Variants in SLC6A16 observed in about 807,000 individuals in gnomAD.
SLC6A16 encodes orphan sodium- and chloride-dependent neurotransmitter transporter NTT5.
SLC6A16 carries 54 observed loss-of-function variants against 65.4 expected under a neutral mutation model. The ratio of observed to expected loss-of-function variants is 0.83; its 90% CI spans 0.66 to 1.04. The LOEUF is 1.04. Among genes scored for constraint, SLC6A16 ranks in the 50% least tolerant of loss-of-function variants. The pLI, the probability that SLC6A16 is intolerant of heterozygous loss-of-function variation, is 0.00. For synonymous variants in SLC6A16, 330 were observed against 346.5 expected (o/e 0.95, Z 0.53); for missense variants, 816 against 914.0 (o/e 0.89, Z 1.38).
At position 49,293,311 on chromosome 19, in the gene SLC6A16, G is replaced by C; in HGVS notation, c.1690C>G (p.Leu564Val). The C allele has an allele frequency of 6.2e-7, 1 of 1,614,138 alleles. No individual in the cohort carries two copies. Residue 564 changes from leucine (L) to valine (V), a missense_variant, in exon 10 of 12, where the codon CTG becomes GTG. By Grantham distance (32) the Leu-to-Val change is conservative (BLOSUM62 1). Coordinates refer to ENST00000335875, the MANE Select transcript of SLC6A16 (RefSeq NM_014037.3). ...AAGACTATCCAGTAGTCACTCAGCA[G>C]TCTGATGAAGTAGCTGCCTGAAGGT... Reference protein sequence around the residue: ...TRPSGSYFIRLLSDYWIVFPI... With the variant: ...TRPSGSYFIRVLSDYWIVFPI...
intron 1 of SLC6A16, among the ~76,000 whole-genome samples, chr19:49,319,292 C>T (rs1970667096): frequency 6.6e-6 from 1 of 151,836 alleles, no homozygotes; most frequent in Non-Finnish European, 1.5e-5. Context: ...TTCCAACAAG[C>T]CAGATGCCCA....
intron 7 of SLC6A16, among the ~76,000 whole-genome samples, chr19:49,308,522 G>T (rs1280395893): frequency 1.3e-5 from 2 of 152,174 alleles, no homozygotes; most frequent in Admixed American, 1.3e-4. Context: ...GGCCTTGGAA[G>T]TCTCTGTGTG....
the SLC6A16 span, among the ~76,000 whole-genome samples, chr19:49,333,977 G>A: frequency 6.6e-6 from 1 of 152,210 alleles, no homozygotes; most frequent in Non-Finnish European, 1.5e-5. Flanking sequence ...CCACTGCAGA[G>A]GCAGGAAGTA....
At chr19:49,326,946 G>A (rs1447732364), upstream of SLC6A16, among the ~76,000 whole-genome samples, 3 of 151,834 alleles carry the variant, frequency 2.0e-5, no homozygotes, top group African/African-American at 7.3e-5. Context: ...TTAAAACCAT[G>A]AGGCAGAAGT....
chr19:49,340,108 C>A, the SLC6A16 span: 11 of 1,537,948 alleles, frequency 7.2e-6, no homozygotes, highest in Non-Finnish European at 9.6e-6. Flanking sequence ...CGTCGAGCCC[C>A]GCCCTTTTCT....
intron 1 of SLC6A16, among the ~76,000 whole-genome samples, chr19:49,316,857 CAAAA>C (rs34224524): frequency 1.5e-4 from 18 of 123,582 alleles, no homozygotes; most frequent in African/African-American, 3.9e-4. Flanking sequence ...CCATCTCTAC[CAAAA>C]AAAAAAAAAA....
intron 1 of SLC6A16, among the ~76,000 whole-genome samples, chr19:49,315,519 A>T (rs1325027694): frequency 6.6e-6 from 1 of 152,196 alleles, no homozygotes; most frequent in Non-Finnish European, 1.5e-5. Context: ...GGGGCTGGTC[A>T]TGGTGGCTCA....
chr19:49,312,287 C>T (rs1177584170), intron 1 of SLC6A16, among the ~76,000 whole-genome samples: 16 of 152,168 alleles, frequency 1.1e-4, no homozygotes, highest in Admixed American at 6.5e-5. Context: ...AGTTACTTTA[C>T]CTTTCTGAGC....
chr19:49,339,973 G>C, the SLC6A16 span: 1 of 1,423,872 alleles, frequency 7.0e-7, no homozygotes, highest in Non-Finnish European at 9.2e-7. This position sits in a 1 kb window ranked among gnomAD's most constrained non-coding sequence, Gnocchi z 4.5. Flanking sequence ...TGAGGCAGAG[G>C]GGGAAGACAG....
Position 49,293,091 on chromosome 19 carries a change from A to G in SLC6A16, c.1778+132T>C, listed in dbSNP as rs1600604953. ...TGTGAAAATGGATGAATGAATAAAA[A>G]GATTTCCCAGAAGACTCTGAACTTA... is the stretch of plus-strand genomic sequence containing the variant. On this transcript the variant is annotated intron_variant, in intron 10 of 11. Transcript: ENST00000335875. 9.6e-6 allele frequency: 7 copies of G among 729,894 alleles called. No individual in the cohort carries two copies. The East Asian group carries it at 1.9e-4, about 20-fold the overall frequency. The allele number at this position is 729,894 out of a possible 1,614,324, so 45.2% of individuals were successfully genotyped here. A position where few individuals can be genotyped will look rare whatever the true frequency, so the allele number is the denominator to read the frequency against.
At chr19:49,328,542 T>G (rs1188772946), upstream of SLC6A16, among the ~76,000 whole-genome samples, 1 of 152,168 alleles carries the variant, frequency 6.6e-6, no homozygotes, top group African/African-American at 2.4e-5. Context: ...GTTGATTAGA[T>G]CTGGGTAATA....
chr19:49,291,618 G>A (rs1227226906), intron 10 of SLC6A16, among the ~76,000 whole-genome samples: 1 of 151,854 alleles, frequency 6.6e-6, no homozygotes, highest in Non-Finnish European at 1.5e-5. Context: ...AATTATACCA[G>A]GAACTCTTCT....
chr19:49,301,732 A>C (rs1970296067), intron 7 of SLC6A16, among the ~76,000 whole-genome samples: 1 of 151,940 alleles, frequency 6.6e-6, no homozygotes, highest in Non-Finnish European at 1.5e-5. Context: ...CCCTGAAACC[A>C]CCTAAGCTGT....
rs1322517871 is a variant in SLC6A16 at position 49,294,072 on chromosome 19, C to A, written c.1417-44G>T. On this transcript the variant is annotated intron_variant, in intron 8 of 11. Transcript: ENST00000335875. ...GGTGTTAAAGTGTCATTGAACTAAA[C>A]AATAACAAAAAAATATAGACAAGTA... 17 of 1,510,264 alleles carry A rather than the reference C, an allele frequency of 1.1e-5. No individual in the cohort carries two copies. The Admixed American group carries it at 1.4e-4, about 12-fold the overall frequency. 93.6% of individuals were successfully genotyped at this position (1,510,264 alleles called of 1,614,324 possible).
At chr19:49,297,545 C>T (rs1970207825) in intron 7 of SLC6A16, among the ~76,000 whole-genome samples, 1 of 152,124 alleles carries the variant, frequency 6.6e-6, no homozygotes, top group Non-Finnish European at 1.5e-5. Context: ...TTAAACATAC[C>T]GTTACCACGT....
chr19:49,301,059 A>C (rs532165881), intron 7 of SLC6A16, among the ~76,000 whole-genome samples: 2 of 152,248 alleles, frequency 1.3e-5, no homozygotes, highest in East Asian at 3.9e-4. Flanking sequence ...AAAAATAAAT[A>C]AATAAATAAA....
At chr19:49,330,112 CAA>C (rs983119739), upstream of SLC6A16, among the ~76,000 whole-genome samples, 13 of 102,028 alleles carry the variant, frequency 1.3e-4, no homozygotes, top group Non-Finnish European at 1.7e-4. Flanking sequence ...AGCAAGACCT[CAA>C]AAAAAAAAAA....
rs370627761 is a variant in SLC6A16 at position 49,310,424 on chromosome 19, G to A, written c.502C>T (p.Arg168Cys). 45 of 1,614,064 alleles carry A rather than the reference G, an allele frequency of 2.8e-5. No homozygotes were observed. In the Middle Eastern group the frequency reaches 1.2e-3, roughly 41 times the overall value. Residue 168 changes from arginine (R) to cysteine (C), a missense_variant, in exon 3 of 12, where the codon CGT becomes TGT. By Grantham distance (180) the Arg-to-Cys change is radical. Coordinates refer to ENST00000335875, the MANE Select transcript of SLC6A16 (RefSeq NM_014037.3). ...TTCCATACACCCATGCCACCCTGAC[G>A]CATGCTCTGACCAGCTGCCATCTCC... ...FLEMAAGQSMRQGGMGVWKII... is the reference protein window; with the variant it reads ...FLEMAAGQSMCQGGMGVWKII...
chr19:49,304,870 A>G (rs1389926224), intron 7 of SLC6A16, among the ~76,000 whole-genome samples: 1 of 152,226 alleles, frequency 6.6e-6, no homozygotes, highest in East Asian at 1.9e-4. Flanking sequence ...ATGACAATAC[A>G]AGTATTTGCA....
Sources: allele counts gnomAD v4.1 joint callset (sites outside exome capture counted in the v4.1 genomes callset), GRCh38; gene constraint gnomAD v4.1.1; non-coding constraint Gnocchi (gnomAD v3.1); transcripts MANE v1.5; gene names NCBI Gene and HGNC (gene_info 2026-07-23, HGNC 2026-07-21).